Variants in PLAAT3 observed in about 807,000 individuals in gnomAD.
PLAAT3 encodes phospholipase A and acyltransferase 3, also known as Ca-independent phospholipase A1/2.
PLAAT3 carries 21 observed loss-of-function variants against 16.7 expected under a neutral mutation model. That is an observed-to-expected ratio of 1.26 (90% CI 0.89 to 1.81). The LOEUF (loss-of-function observed/expected upper bound fraction) is 1.81. PLAAT3 is among the 40% of genes most tolerant of loss of function. The pLI, the probability that PLAAT3 is intolerant of heterozygous loss-of-function variation, is 0.00. For missense variants in PLAAT3, 219 were observed against 213.7 expected (o/e 1.02, Z -0.16); for synonymous variants, 76 against 81.7 (o/e 0.93, Z 0.38).
upstream of PLAAT3, among the ~76,000 whole-genome samples, chr11:63,615,290 ATATATATGTGTGTATATATGTGTG>A (rs869149053): frequency 9.2e-5 from 2 of 21,646 alleles, 1 homozygote; most frequent in African/African-American, 1.9e-4. Flanking sequence ...ATATATGTGT[ATATATATGTGTGTATATATGTGTG>A]TATATATGTG....
At chr11:63,615,164 ATATGTGTG>A (rs1176029490), upstream of PLAAT3, among the ~76,000 whole-genome samples, 28 of 34,540 alleles carry the variant, frequency 8.1e-4, no homozygotes, top group Admixed American at 1.3e-3. Flanking sequence ...ATATGTGTAT[ATATGTGTG>A]TATATGTGTG....
At chr11:63,593,602 T>G (rs1208920740) in intron 3 of PLAAT3, among the ~76,000 whole-genome samples, 1 of 152,128 alleles carries the variant, frequency 6.6e-6, no homozygotes, top group Non-Finnish European at 1.5e-5. Flanking sequence ...GGGGTTTCAC[T>G]CTGTCACCCA....
At chr11:63,614,160 A>G in intron 1 of PLAAT3, 92 bp from the exon 2 acceptor site, 1 of 1,110,720 alleles carries the variant, frequency 9.0e-7, no homozygotes, top group Non-Finnish European at 1.3e-6. Flanking sequence ...GCAGGGCGTG[A>G]GAGGCGCGCC....
At chr11:63,577,364 G>A (rs1457603329) in intron 4 of PLAAT3, among the ~76,000 whole-genome samples, 7 of 152,070 alleles carry the variant, frequency 4.6e-5, no homozygotes, top group Non-Finnish European at 8.8e-5. Flanking sequence ...TACAGATGGG[G>A]TTTCACCATA....
chr11:63,615,406 A>G (rs201089898), upstream of PLAAT3, among the ~76,000 whole-genome samples: 6 of 7,376 alleles, frequency 8.1e-4, 2 homozygotes, highest in African/African-American at 8.6e-4. Flanking sequence ...ATGTGTGTAT[A>G]TGTGTGTGTG....
intron 4 of PLAAT3, among the ~76,000 whole-genome samples, chr11:63,589,651 C>G (rs910227211): frequency 1.3e-5 from 2 of 152,166 alleles, no homozygotes; most frequent in African/African-American, 2.4e-5. Flanking sequence ...CAAATCCCAA[C>G]TCTGCTAATT....
At chr11:63,587,138 G>A (rs929772228) in intron 4 of PLAAT3, among the ~76,000 whole-genome samples, 1 of 152,118 alleles carries the variant, frequency 6.6e-6, no homozygotes, top group Non-Finnish European at 1.5e-5. Context: ...AAGAAAATCA[G>A]CAAAGCAGTC....
intron 4 of PLAAT3, among the ~76,000 whole-genome samples, chr11:63,585,592 T>A (rs1222219026): frequency 6.6e-6 from 1 of 152,090 alleles, no homozygotes; most frequent in South Asian, 2.1e-4. Context: ...GAAACCCCTA[T>A]CCTAGACCAA....
intron 4 of PLAAT3, among the ~76,000 whole-genome samples, chr11:63,589,413 G>GA (rs59025930): frequency 7.0e-4 from 88 of 124,854 alleles, no homozygotes; most frequent in Middle Eastern, 4.5e-3. Context: ...CCTATGCAAA[G>GA]AAAAAAAAAA....
intron 2 of PLAAT3, among the ~76,000 whole-genome samples, chr11:63,603,338 C>T (rs1335677711): frequency 1.3e-5 from 2 of 152,126 alleles, no homozygotes; most frequent in Non-Finnish European, 2.9e-5. Context: ...ACACAGCTCA[C>T]GCAACAACAA....
At chr11:63,604,705 G>T (rs1471982280) in intron 2 of PLAAT3, among the ~76,000 whole-genome samples, 1 of 152,030 alleles carries the variant, frequency 6.6e-6, no homozygotes, top group East Asian at 1.9e-4. Context: ...GGAGCTTGCA[G>T]TGAGCCCAGA....
At chr11:63,589,679 C>T (rs559861593) in intron 4 of PLAAT3, among the ~76,000 whole-genome samples, 3 of 152,302 alleles carry the variant, frequency 2.0e-5, no homozygotes, top group African/African-American at 7.2e-5. Flanking sequence ...CAGGAAAAGA[C>T]AGGTACCAGG....
At chr11:63,592,725 G>A (rs1317408746) in intron 3 of PLAAT3, among the ~76,000 whole-genome samples, 1 of 152,120 alleles carries the variant, frequency 6.6e-6, no homozygotes, top group Non-Finnish European at 1.5e-5. Flanking sequence ...ATTCCTTGTA[G>A]GATAGAAACA....
At chr11:63,580,977 C>T (rs1361596863) in intron 4 of PLAAT3, among the ~76,000 whole-genome samples, 3 of 152,238 alleles carry the variant, frequency 2.0e-5, no homozygotes, top group South Asian at 4.1e-4. Context: ...CCTGTCTTTA[C>T]TGCAATCTCT....
chr11:63,581,760 T>C lies in PLAAT3; in HGVS notation c.388-6714A>G, dbSNP rs375289508. ...TTGTCATCACGGTCCTACCAATATG[T>C]GATGGCACCCCTGGAGGCCCAGCTG... On this transcript the variant is annotated intron_variant, in intron 4 of 4. Transcript: ENST00000415826. 5.0e-4 allele frequency among the ~76,000 whole-genome samples: 76 copies of C among 152,324 alleles called. 2 individuals carry two copies. In the East Asian group the frequency reaches 0.013, roughly 27 times the overall value.
chr11:63,616,424 C>T (rs1259865836), upstream of PLAAT3: 2 of 152,018 alleles, frequency 1.3e-5, no homozygotes, highest in African/African-American at 2.4e-5. Flanking sequence ...TAAGCCTCCC[C>T]ACATAATTTA....
At chr11:63,582,702 C>T (rs1937856004) in intron 4 of PLAAT3, among the ~76,000 whole-genome samples, 1 of 152,166 alleles carries the variant, frequency 6.6e-6, no homozygotes, top group Admixed American at 6.5e-5. Context: ...GCTGTGTTTC[C>T]TGAGGTTAAA....
At chr11:63,592,657 C>T (rs965487339) in intron 3 of PLAAT3, among the ~76,000 whole-genome samples, 9 of 152,190 alleles carry the variant, frequency 5.9e-5, no homozygotes, top group Non-Finnish European at 1.2e-4. Context: ...TGGGTCCTGC[C>T]TGCACCCCTT....
chr11:63,593,078 G>A (rs1263963864), intron 3 of PLAAT3, among the ~76,000 whole-genome samples: 4 of 152,176 alleles, frequency 2.6e-5, no homozygotes, highest in Non-Finnish European at 5.9e-5. Context: ...GCTCAGTGCA[G>A]CCAATCAATA....
Sources: gnomAD v4.1 joint callset for allele counts (sites outside exome capture counted in the v4.1 genomes callset) on GRCh38, gnomAD v4.1.1 for gene constraint, MANE v1.5 for transcripts, NCBI Gene and HGNC (gene_info 2026-07-23, HGNC 2026-07-21) for gene names.